Variants in NPFFR2 observed in about 807,000 individuals in gnomAD.
NPFFR2 encodes the protein neuropeptide FF receptor 2, also known as G-protein coupled receptor 74.
NPFFR2 carries 15 observed loss-of-function variants against 13.1 expected under a neutral mutation model. The observed-to-expected ratio is 1.15, with a 90% CI of 0.77 to 1.76. The LOEUF is 1.76. NPFFR2 is among the 40% of genes most tolerant of loss of function. The probability of loss-of-function intolerance (pLI) is 0.00; values close to 1 mark genes in which losing one functional copy is unlikely to be tolerated. For missense variants in NPFFR2, 572 were observed against 503.5 expected (o/e 1.14, Z -1.30); for synonymous variants, 190 against 175.7 (o/e 1.08, Z -0.65).
Position 72,049,491 on chromosome 4 carries a change from G to T in NPFFR2, c.-8+17291G>T, listed in dbSNP as rs114169193. On this transcript the variant is annotated intron_variant, in intron 1 of 3. Transcript: ENST00000308744. ...AGAAAATGATCTTTTGGCTAAAGCT[G>T]TAGAAAACAGACTGCCATTGATTTG... Among the ~76,000 whole-genome samples the T allele has an allele frequency of 4.0e-3, 613 of 152,204 alleles. 5 individuals carry two copies. The highest frequency in any genetic ancestry group is 0.014 in the African/African-American group (584 of 41,560).
At position 72,097,807 on chromosome 4, in the gene NPFFR2, A is replaced by G. The variant is rs116634195; in HGVS notation, c.-7-30778A>G. 5.8e-3 allele frequency among the ~76,000 whole-genome samples: 879 copies of G among 152,274 alleles called. 5 individuals are homozygous for G. The highest frequency in any genetic ancestry group is 8.2e-3 in the Non-Finnish European group (558 of 68,014). On this transcript the variant is annotated intron_variant, in intron 1 of 3. Transcript: ENST00000308744. ...GAATATACAACCCCCAAAATACACA[A>G]GTGGGAAGAGTGTTTTCAAATTACC...
Position 72,128,709 on chromosome 4 carries a change from C to T in NPFFR2, c.118C>T (p.His40Tyr). The T allele has an allele frequency of 1.2e-6, 2 of 1,614,114 alleles. No homozygotes were observed. Among genetic ancestry groups the T allele is most frequent in the Non-Finnish European group, 1.7e-6 (2 of 1,179,970 alleles). ...INITYVNYYL[H>Y]QPQVAAIFII... Reference sequence around the variant, plus strand: ...TATTACCTATGTGAACTACTATCTTCACCAGCCTCAAGTGGCAGCAATCTT... The same window carrying T: ...TATTACCTATGTGAACTACTATCTTTACCAGCCTCAAGTGGCAGCAATCTT... Residue 40 changes from histidine to tyrosine, a missense_variant, in exon 2 of 4, where the codon CAC (histidine) becomes TAC (tyrosine). By Grantham distance (83) the His-to-Tyr change is moderately conservative. Transcript: ENST00000308744.
At chr4:72,054,993 A>G (rs1719699433) in intron 1 of NPFFR2, among the ~76,000 whole-genome samples, 1 of 151,964 alleles carries the variant, frequency 6.6e-6, no homozygotes, top group African/African-American at 2.4e-5. Context: ...TGTATAATAT[A>G]CAGATTTTAT....
chr4:72,143,914 A>G (rs1722703316), intron 3 of NPFFR2, among the ~76,000 whole-genome samples: 1 of 152,150 alleles, frequency 6.6e-6, no homozygotes. Flanking sequence ...TCTGCAACAA[A>G]TGGTTTGATT....
chr4:72,113,346 C>T (rs1037664676), intron 1 of NPFFR2, among the ~76,000 whole-genome samples: 2 of 152,020 alleles, frequency 1.3e-5, no homozygotes, highest in African/African-American at 4.8e-5. Context: ...ACTTTATCAG[C>T]ACCACTAGCA....
At chr4:72,116,413 T>G (rs1357548088) in intron 1 of NPFFR2, among the ~76,000 whole-genome samples, 1 of 151,470 alleles carries the variant, frequency 6.6e-6, no homozygotes, top group Non-Finnish European at 1.5e-5. Context: ...TGGGGACTAC[T>G]AGATGGGAAG....
intron 1 of NPFFR2, among the ~76,000 whole-genome samples, chr4:72,048,754 T>C (rs868386731): frequency 1.3e-5 from 2 of 149,840 alleles, no homozygotes; most frequent in Non-Finnish European, 3.0e-5. Flanking sequence ...TTTTTCAATA[T>C]TTTTCTACTA....
chr4:72,130,998 T>C (rs1421719129), intron 2 of NPFFR2, among the ~76,000 whole-genome samples: 1 of 151,990 alleles, frequency 6.6e-6, no homozygotes, highest in African/African-American at 2.4e-5. Flanking sequence ...GGAAGATGAT[T>C]GATGGTCCCT....
chr4:72,084,080 C>A (rs549142909), intron 1 of NPFFR2, among the ~76,000 whole-genome samples: 2 of 152,278 alleles, frequency 1.3e-5, no homozygotes, highest in African/African-American at 4.8e-5. Flanking sequence ...CTACTAGAAT[C>A]ACTTCTTAAC....
intron 1 of NPFFR2, among the ~76,000 whole-genome samples, chr4:72,107,844 AT>A (rs1357716436): frequency 2.0e-5 from 3 of 152,050 alleles, no homozygotes; most frequent in African/African-American, 7.2e-5. Flanking sequence ...AAAGAATTGT[AT>A]GAAATAGACT....
intron 1 of NPFFR2, among the ~76,000 whole-genome samples, chr4:72,083,265 A>G (rs1317467313): frequency 6.6e-6 from 1 of 152,156 alleles, no homozygotes; most frequent in Non-Finnish European, 1.5e-5. Flanking sequence ...AGAACTCTCC[A>G]TACTGTTTTC....
chr4:72,113,917 C>T (rs1721637206), intron 1 of NPFFR2, among the ~76,000 whole-genome samples: 1 of 152,030 alleles, frequency 6.6e-6, no homozygotes, highest in African/African-American at 2.4e-5. Context: ...GGACATTTTC[C>T]AGGGAGCCAA....
At chr4:72,128,981 C>T (rs1028378472) in intron 2 of NPFFR2, 62 bp downstream of exon 2, 1 of 1,273,664 alleles carries the variant, frequency 7.9e-7, no homozygotes, top group Non-Finnish European at 1.1e-6. Flanking sequence ...TTTCAGCAGC[C>T]ATTGGCAGGG....
chr4:72,100,736 A>G (rs1721218001), intron 1 of NPFFR2, among the ~76,000 whole-genome samples: 1 of 152,076 alleles, frequency 6.6e-6, no homozygotes, highest in African/African-American at 2.4e-5. Flanking sequence ...GAATTTGACA[A>G]GTATAACAAA....
At chr4:72,059,912 A>G (rs1189709938) in intron 1 of NPFFR2, among the ~76,000 whole-genome samples, 1 of 152,128 alleles carries the variant, frequency 6.6e-6, no homozygotes, top group Non-Finnish European at 1.5e-5. Context: ...ATGACCACAA[A>G]TCCTGGAAGA....
chr4:72,122,300 A>G (rs937512369), intron 1 of NPFFR2, among the ~76,000 whole-genome samples: 1 of 152,188 alleles, frequency 6.6e-6, no homozygotes, highest in African/African-American at 2.4e-5. Flanking sequence ...ACGCAATAGT[A>G]GTGGGAGACT....
chr4:72,094,387 T>C (rs1032485609), intron 1 of NPFFR2, among the ~76,000 whole-genome samples: 6 of 152,136 alleles, frequency 3.9e-5, no homozygotes, highest in Admixed American at 3.9e-4. Context: ...TGGCCTAGGA[T>C]CAGGCGGTGT....
chr4:72,041,984 G>A (rs1034573057), intron 1 of NPFFR2, among the ~76,000 whole-genome samples: 1 of 152,142 alleles, frequency 6.6e-6, no homozygotes, highest in African/African-American at 2.4e-5. Context: ...AAGCTCTTTA[G>A]TTTAACTAGA....
chr4:72,063,936 G>GA (rs1241186833), intron 1 of NPFFR2, among the ~76,000 whole-genome samples: 1 of 152,154 alleles, frequency 6.6e-6, no homozygotes, highest in Non-Finnish European at 1.5e-5. Context: ...TCACAGAGGA[G>GA]AAAACCAATG....
Sources: gnomAD v4.1 joint callset for allele counts (sites outside exome capture counted in the v4.1 genomes callset) on GRCh38, gnomAD v4.1.1 for gene constraint, MANE v1.5 for transcripts, NCBI Gene and HGNC (gene_info 2026-07-23, HGNC 2026-07-21) for gene names.